Variants in LAMA2 observed in about 807,000 individuals in gnomAD.
LAMA2 encodes the protein laminin subunit alpha 2.
In LAMA2, 269 loss-of-function variants were observed where a neutral mutation model predicts 364.8. The observed-to-expected ratio is 0.74, with a 90% CI of 0.67 to 0.82. LAMA2 has a LOEUF of 0.82. LAMA2 is among the 40% of genes least tolerant of loss of function. The pLI is 0.00. For synonymous variants in LAMA2, 1,379 were observed against 1,370.6 expected, an observed-to-expected ratio of 1.01 and a Z score of -0.14; for missense variants, 3,807 against 3,873.2, an observed-to-expected ratio of 0.98 and a Z score of 0.45.
Position 128,883,234 on chromosome 6 carries a change from G to C in LAMA2, c.-12G>C. On this transcript the variant is annotated 5_prime_UTR_variant, in exon 1 of 65. Coordinates refer to ENST00000421865, the MANE Select transcript of LAMA2 (RefSeq NM_000426.4). The stretch of plus-strand genomic sequence containing the variant: ...TGGCTCCCGAGAAGTGGATCCGGTC[G>C]CGGCCACTACGATGCCGGGAGCCGC... The C allele has an allele frequency of 6.5e-7, 1 of 1,548,830 alleles. No individual in the cohort carries two copies. Among genetic ancestry groups the C allele is most frequent in the South Asian group, 1.2e-5 (1 of 84,102 alleles).
intron 1 of LAMA2, among the ~76,000 whole-genome samples, chr6:128,971,768 A>G (rs1782201556): frequency 6.6e-6 from 1 of 152,172 alleles, no homozygotes; most frequent in Non-Finnish European, 1.5e-5. Flanking sequence ...AAATTGCACC[A>G]CAGAAAGAGG....
At chr6:128,954,930 G>C (rs183183730) in intron 1 of LAMA2, among the ~76,000 whole-genome samples, 1 of 151,380 alleles carries the variant, frequency 6.6e-6, no homozygotes, top group Non-Finnish European at 1.5e-5. Context: ...TGGTATGTCA[G>C]AAGAAGAATG....
intron 4 of LAMA2, among the ~76,000 whole-genome samples, chr6:129,109,842 G>T (rs1216422911): frequency 6.6e-6 from 1 of 151,916 alleles, no homozygotes; most frequent in Non-Finnish European, 1.5e-5. Flanking sequence ...GACTACTCAG[G>T]TAAAATTCTA....
chr6:129,438,865 C>G, intron 42 of LAMA2, 103 bp downstream of exon 42: 1 of 742,904 alleles, frequency 1.3e-6, no homozygotes, highest in South Asian at 1.4e-5. Context: ...GTACTATTAT[C>G]TGGAAATTAG....
intron 29 of LAMA2, among the ~76,000 whole-genome samples, chr6:129,334,302 G>C (rs995475617): frequency 6.6e-6 from 1 of 152,162 alleles, no homozygotes; most frequent in African/African-American, 2.4e-5. Context: ...CTGGTAGTGT[G>C]AGCCTACTCA....
rs115515780 is a variant in LAMA2, at chr6:129,148,166, C to G, written c.910-813C>G. On this transcript the variant is annotated intron_variant, in intron 6 of 64. Transcript: ENST00000421865. ...ATGCATATGCCACCATAGAATACTACGCTGCCATAAAAAGGAATGAGATCA... is the reference window on the plus strand; with the variant it reads ...ATGCATATGCCACCATAGAATACTAGGCTGCCATAAAAAGGAATGAGATCA... Among the ~76,000 whole-genome samples the G allele has an allele frequency of 7.2e-5, 11 of 151,976 alleles. 1 individual carries two copies. The highest frequency in any genetic ancestry group is 2.7e-4 in the African/African-American group (11 of 41,382).
intron 24 of LAMA2, among the ~76,000 whole-genome samples, chr6:129,315,261 C>T (rs1774507372): frequency 6.6e-6 from 1 of 152,174 alleles, no homozygotes; most frequent in South Asian, 2.1e-4. Flanking sequence ...GTGAAAGGCT[C>T]CAGTGTCCAC....
At chr6:129,369,617 A>AC (rs977236898) in intron 33 of LAMA2, among the ~76,000 whole-genome samples, 6 of 151,998 alleles carry the variant, frequency 3.9e-5, no homozygotes, top group South Asian at 2.1e-4. Flanking sequence ...AATAATGCTT[A>AC]CCCCCCATAG....
intron 1 of LAMA2, among the ~76,000 whole-genome samples, chr6:128,961,821 C>T (rs1169872539): frequency 6.6e-6 from 1 of 151,812 alleles, no homozygotes; most frequent in Non-Finnish European, 1.5e-5. Context: ...AATAAATTCC[C>T]AGTGGTCTCT....
chr6:128,946,764 C>G (rs981679491), intron 1 of LAMA2, among the ~76,000 whole-genome samples: 6 of 151,952 alleles, frequency 3.9e-5, no homozygotes, highest in African/African-American at 1.5e-4. Context: ...ATCTATAAAC[C>G]AGCGCCCAGT....
intron 1 of LAMA2, among the ~76,000 whole-genome samples, chr6:129,024,826 GT>G (rs1213096515): frequency 6.6e-6 from 1 of 152,096 alleles, no homozygotes; most frequent in African/African-American, 2.4e-5. Context: ...GCATGCACAT[GT>G]AATCCCAGCT....
At position 129,478,729 on chromosome 6, in the gene LAMA2, C is replaced by A; in HGVS notation, c.7488C>A (p.Leu2496=). 1 of 1,613,420 alleles carries A rather than the reference C, an allele frequency of 6.2e-7. No homozygotes were observed. The highest frequency in any genetic ancestry group is 1.1e-5 in the South Asian group (1 of 91,078). The part of the protein sequence containing the change: ...EVNLKKYSGC[L]KDIEISRTPY... Reference sequence around the variant, plus strand: ...ATCTGAAGAAATATTCCGGCTGCCTCAAAGATATTGAAATTTCAAGAACTC... The same window carrying A: ...ATCTGAAGAAATATTCCGGCTGCCTAAAAGATATTGAAATTTCAAGAACTC... The change falls in exon 54 of 65, where the codon CTC becomes CTA. Residue 2496 remains leucine (L), a synonymous_variant. Transcript: ENST00000421865.
At chr6:129,300,704 CCTT>C (rs749436138) in intron 21 of LAMA2, 29 bp from the exon 22 acceptor site, 1 of 1,611,820 alleles carries the variant, frequency 6.2e-7, no homozygotes, top group Non-Finnish European at 8.5e-7. Context: ...CTATTTTTCC[CCTT>C]CTTTGTTTTC....
At chr6:128,967,491 C>T (rs562708164) in intron 1 of LAMA2, among the ~76,000 whole-genome samples, 308 of 152,276 alleles carry the variant, frequency 2.0e-3, no homozygotes, top group African/African-American at 6.9e-3. Flanking sequence ...GAAACATACT[C>T]CTGACCAGCA....
chr6:129,283,501 C>T (rs12199493), intron 18 of LAMA2, among the ~76,000 whole-genome samples: 14,420 of 151,664 alleles, frequency 0.095, 934 homozygotes, highest in Non-Finnish European at 0.15. Flanking sequence ...CTTCTTAAGC[C>T]CTCCCCGCTC....
intron 32 of LAMA2, among the ~76,000 whole-genome samples, chr6:129,365,854 T>C (rs1386840444): frequency 6.6e-6 from 1 of 152,166 alleles, no homozygotes; most frequent in Non-Finnish European, 1.5e-5. Flanking sequence ...CAGGTTCCTT[T>C]CGATTGCTCA....
chr6:128,929,467 T>C, intron 1 of LAMA2: 1 of 836,672 alleles, frequency 1.2e-6, no homozygotes, highest in African/African-American at 1.7e-5. Flanking sequence ...GAAAGATACC[T>C]CCATTTGACA....
chr6:129,266,320 T>A (rs1787510324), intron 15 of LAMA2, among the ~76,000 whole-genome samples: 1 of 152,132 alleles, frequency 6.6e-6, no homozygotes, highest in Non-Finnish European at 1.5e-5. Flanking sequence ...GAGCAGGCAC[T>A]GACACAGGGA....
chr6:129,448,680 A>G (rs1211961398), intron 45 of LAMA2, among the ~76,000 whole-genome samples: 1 of 152,182 alleles, frequency 6.6e-6, no homozygotes, highest in Non-Finnish European at 1.5e-5. Flanking sequence ...AGATATAATA[A>G]TGGGATACTC....
Sources: gnomAD v4.1 joint callset for allele counts (sites outside exome capture counted in the v4.1 genomes callset) on GRCh38, gnomAD v4.1.1 for gene constraint, MANE v1.5 for transcripts, NCBI Gene and HGNC (gene_info 2026-07-23, HGNC 2026-07-21) for gene names.